The following RAD51B variants were observed in gnomAD, a reference collection of about 807,000 sequenced individuals.
The protein encoded by RAD51B is RAD51 paralog B, also known as DNA repair protein RAD51 homolog 2.
In RAD51B, 38 loss-of-function variants were observed where a neutral mutation model predicts 42.2. The ratio of observed to expected loss-of-function variants is 0.90; its 90% CI spans 0.70 to 1.18. The LOEUF (loss-of-function observed/expected upper bound fraction) is 1.18, where lower values mean the gene tolerates loss of function less well. Among genes scored for constraint, RAD51B ranks in the 50% most tolerant of loss-of-function variants. The pLI is 0.00. For synonymous variants in RAD51B, 154 were observed against 145.2 expected, an observed-to-expected ratio of 1.06 and a Z score of -0.43; for missense variants, 373 against 400.7, an observed-to-expected ratio of 0.93 and a Z score of 0.59.
chr14:68,563,538 T>G (rs1889261399), intron 10 of RAD51B: 1 of 985,470 alleles, frequency 1.0e-6, no homozygotes, highest in South Asian at 4.7e-5. Context: ...GTTAATTCAT[T>G]TTTTTCTCCA....
At chr14:67,887,303 A>G (rs774477051) in intron 7 of RAD51B, 99 bp downstream of exon 7, 1 of 1,074,494 alleles carries the variant, frequency 9.3e-7, no homozygotes, top group Non-Finnish European at 1.3e-6. Flanking sequence ...ATTAGAGGAA[A>G]ATGTAAAACA....
At chr14:68,002,551 G>GT (rs2075505422) in intron 7 of RAD51B, among the ~76,000 whole-genome samples, 1 of 152,074 alleles carries the variant, frequency 6.6e-6, no homozygotes, top group African/African-American at 2.4e-5. Flanking sequence ...CATTTGTCAA[G>GT]TTTTGCTTTT....
chr14:68,221,888 GACAATTCTGAAAAGAAGATATA>G (rs2079935181), intron 7 of RAD51B, among the ~76,000 whole-genome samples: 1 of 152,116 alleles, frequency 6.6e-6, no homozygotes, highest in African/African-American at 2.4e-5. Context: ...GACATGAATA[GACAATTCTGAAAAGAAGATATA>G]CAAATGGCCA....
chr14:67,831,170 C>T (rs748044125), intron 3 of RAD51B, among the ~76,000 whole-genome samples: 9 of 152,040 alleles, frequency 5.9e-5, no homozygotes, highest in Admixed American at 1.3e-4. Context: ...CCACCGCCCC[C>T]GGCCAGTACT....
At chr14:67,961,154 G>A (rs2074657812) in intron 7 of RAD51B, among the ~76,000 whole-genome samples, 2 of 151,648 alleles carry the variant, frequency 1.3e-5, no homozygotes, top group African/African-American at 4.8e-5. Flanking sequence ...CCACAGGTGT[G>A]CGCCACCACA....
chr14:68,229,036 A>G (rs2080095772), intron 7 of RAD51B, among the ~76,000 whole-genome samples: 1 of 152,224 alleles, frequency 6.6e-6, no homozygotes, highest in Admixed American at 6.5e-5. Flanking sequence ...TCTACTTTTT[A>G]CCATGTCTAA....
At chr14:68,002,046 C>T (rs2075494912) in intron 7 of RAD51B, among the ~76,000 whole-genome samples, 1 of 151,900 alleles carries the variant, frequency 6.6e-6, no homozygotes, top group Non-Finnish European at 1.5e-5. Flanking sequence ...ATTTATATTC[C>T]TTTGGGTATA....
rs573520275 is a variant in RAD51B, at chr14:68,229,823, C to G, written c.757-62061C>G. On this transcript the variant is annotated intron_variant, in intron 7 of 10. Transcript: ENST00000471583. Reference sequence around the variant, plus strand: ...CGTCATGTCTTTTTAGTTAGGCAAGCCTTCAATTTAGGGGACAGGATCAGA... The same window carrying G: ...CGTCATGTCTTTTTAGTTAGGCAAGGCTTCAATTTAGGGGACAGGATCAGA... Among the ~76,000 whole-genome samples, 49 of 152,256 alleles carry G rather than the reference C, an allele frequency of 3.2e-4. 1 individual carries two copies. The South Asian group carries it at 9.3e-3, about 29-fold the overall frequency.
intron 11 of RAD51B, among the ~76,000 whole-genome samples, chr14:68,670,873 T>C (rs1015598579): frequency 6.6e-6 from 1 of 152,182 alleles, no homozygotes; most frequent in Non-Finnish European, 1.5e-5. Flanking sequence ...ATCCATCTCC[T>C]GCTCATCTCT....
At chr14:68,239,314 T>C (rs1220853224) in intron 7 of RAD51B, among the ~76,000 whole-genome samples, 2 of 152,198 alleles carry the variant, frequency 1.3e-5, no homozygotes, top group Non-Finnish European at 2.9e-5. Context: ...CCACTCTTGA[T>C]GGTATTGAGT....
intron 10 of RAD51B, among the ~76,000 whole-genome samples, chr14:68,568,516 A>G (rs775457550): frequency 1.1e-4 from 16 of 152,208 alleles, no homozygotes; most frequent in Non-Finnish European, 1.9e-4. Flanking sequence ...TCTGGAATCA[A>G]AAAGAAAGAA....
At chr14:67,883,033 C>A (rs922218981) in intron 5 of RAD51B, among the ~76,000 whole-genome samples, 1 of 152,224 alleles carries the variant, frequency 6.6e-6, no homozygotes, top group African/African-American at 2.4e-5. Flanking sequence ...GCGTGAGCCA[C>A]CGTGCCCGGC....
chr14:68,486,207 T>C (rs1883611275), intron 10 of RAD51B, among the ~76,000 whole-genome samples: 1 of 152,216 alleles, frequency 6.6e-6, no homozygotes, highest in Non-Finnish European at 1.5e-5. Flanking sequence ...TCAAACTTTG[T>C]CCTGTGACTG....
At chr14:68,673,843 G>A (rs1178291331) in intron 11 of RAD51B, among the ~76,000 whole-genome samples, 1 of 138,506 alleles carries the variant, frequency 7.2e-6, no homozygotes, top group Non-Finnish European at 1.5e-5. Flanking sequence ...ATACACATAT[G>A]TACATGCACA....
rs547534961 is a variant in RAD51B at position 68,553,328 on chromosome 14, G to A, written c.1037-41157G>A. Among the ~76,000 whole-genome samples, 34 of 152,354 alleles carry A rather than the reference G, an allele frequency of 2.2e-4. 1 individual carries two copies. The South Asian group carries it at 7.0e-3, about 32-fold the overall frequency. On this transcript the variant is annotated intron_variant, in intron 10 of 10. Coordinates refer to the RAD51B transcript ENST00000487270. ...TAGAAAGAGTAATATGGTAAGCAGT[G>A]TAGAAAGAAACCATCCTCTCCACAA...
chr14:68,151,612 T>TTG (rs563841222), intron 7 of RAD51B, among the ~76,000 whole-genome samples: 1,883 of 150,778 alleles, frequency 0.012, 13 homozygotes, highest in Middle Eastern at 0.021. Flanking sequence ...TCTTGGTTTT[T>TTG]TGTGTGTGTG....
intron 9 of RAD51B, among the ~76,000 whole-genome samples, chr14:68,416,252 T>C (rs2084556724): frequency 6.6e-6 from 1 of 152,218 alleles, no homozygotes; most frequent in Non-Finnish European, 1.5e-5. Flanking sequence ...TCAGTGTCCA[T>C]TTTATATTTT....
At chr14:68,233,729 C>T (rs1222843329) in intron 7 of RAD51B, among the ~76,000 whole-genome samples, 1 of 152,076 alleles carries the variant, frequency 6.6e-6, no homozygotes, top group Non-Finnish European at 1.5e-5. Flanking sequence ...CAACATTTTC[C>T]AGTTTGACAA....
chr14:67,864,167 G>A (rs1404434705), intron 4 of RAD51B, among the ~76,000 whole-genome samples: 1 of 152,094 alleles, frequency 6.6e-6, no homozygotes, highest in Non-Finnish European at 1.5e-5. Context: ...CTCCCACCAG[G>A]CCCCCTCCTC....
Sources: gnomAD v4.1 joint callset for allele counts (sites outside exome capture counted in the v4.1 genomes callset) on GRCh38, gnomAD v4.1.1 for gene constraint, MANE v1.5 for transcripts, NCBI Gene and HGNC (gene_info 2026-07-23, HGNC 2026-07-21) for gene names.